Variants in SOAT1 observed in about 807,000 individuals in gnomAD.
The protein encoded by SOAT1 is sterol O-acyltransferase 1.
A neutral mutation model predicts 69.5 loss-of-function variants in SOAT1; 55 were observed. The observed-to-expected ratio is 0.79, with a 90% CI of 0.64 to 0.99. SOAT1 has a LOEUF of 0.99. Ranked by LOEUF, SOAT1 falls within the 50% of genes least tolerant of loss-of-function variation. SOAT1 has a pLI of 0.00. For synonymous variants in SOAT1, 231 were observed against 224.7 expected, an observed-to-expected ratio of 1.03 and a Z score of -0.25; for missense variants, 580 against 669.3, an observed-to-expected ratio of 0.87 and a Z score of 1.47.
At chr1:179,323,891 C>T (rs1355859222) in intron 3 of SOAT1, among the ~76,000 whole-genome samples, 1 of 151,978 alleles carries the variant, frequency 6.6e-6, no homozygotes, top group Non-Finnish European at 1.5e-5. Context: ...GAAATAACAA[C>T]TCGAAAAAAA....
intron 2 of SOAT1, among the ~76,000 whole-genome samples, chr1:179,314,689 G>T (rs1044267246): frequency 2.0e-5 from 3 of 152,074 alleles, no homozygotes; most frequent in African/African-American, 7.2e-5. Flanking sequence ...GCCTCACAAA[G>T]TGCTGGGATG....
chr1:179,341,060 C>G lies in SOAT1; in HGVS notation c.530C>G (p.Ala177Gly). Residue 177 changes from alanine to glycine, a missense_variant, in exon 7 of 16, where the codon GCT becomes GGT. Ala to Gly is a moderately conservative substitution (Grantham distance 60, BLOSUM62 0). Transcript: ENST00000367619. ...LVLEFSLLSY[A>G]FGKFPTVVWT... ...CTTGAGTTCAGCCTCCTGTCTTATG[C>G]TTTTGGCAAATTTCCTACCGTTGTT... 6.2e-7 allele frequency: 1 copy of G among 1,614,106 alleles called. No homozygotes were observed. The highest frequency in any genetic ancestry group is 8.5e-7 in the Non-Finnish European group (1 of 1,179,996).
chr1:179,328,836 G>A (rs1665872158), intron 3 of SOAT1, among the ~76,000 whole-genome samples: 1 of 152,062 alleles, frequency 6.6e-6, no homozygotes, highest in Admixed American at 6.6e-5. Context: ...TTGAGTTCAT[G>A]AATTCGAGAC....
In SOAT1 at chr1:179,353,571, T is replaced by C. The variant is rs199655580; in HGVS notation, c.1597-14T>C. ...CACAAATTATTTTTCCATTCTTATT[T>C]TTCCCCACTGCAGCCCACATTTTTG... On this transcript the variant is annotated splice_polypyrimidine_tract_variant and intron_variant, in intron 15 of 15. Coordinates refer to ENST00000367619, the MANE Select transcript of SOAT1 (RefSeq NM_003101.6). 1.9e-6 allele frequency: 3 copies of C among 1,611,610 alleles called. No individual in the cohort carries two copies. Among genetic ancestry groups the C allele is most frequent in the Admixed American group, 1.7e-5 (1 of 59,976 alleles).
chr1:179,298,686 T>C (rs570876819), intron 1 of SOAT1, among the ~76,000 whole-genome samples: 1 of 152,320 alleles, frequency 6.6e-6, no homozygotes, highest in South Asian at 2.1e-4. Flanking sequence ...TCCAAACACT[T>C]AATATTAGCC....
chr1:179,306,890 A>G (rs958904912), intron 2 of SOAT1, among the ~76,000 whole-genome samples: 1 of 152,094 alleles, frequency 6.6e-6, no homozygotes, highest in Admixed American at 6.5e-5. Context: ...TAGTGTGACA[A>G]GGCAGAGAGG....
chr1:179,325,095 C>T (rs1007487942), intron 3 of SOAT1, among the ~76,000 whole-genome samples: 18 of 148,352 alleles, frequency 1.2e-4, no homozygotes, highest in Non-Finnish European at 2.7e-4. Context: ...ATTACCACAC[C>T]CGGCTGGCAC....
At chr1:179,314,077 T>C (rs12061572) in intron 2 of SOAT1, among the ~76,000 whole-genome samples, 32,047 of 152,158 alleles carry the variant, frequency 0.21, 3,527 homozygotes, top group Non-Finnish European at 0.23. Flanking sequence ...TTCATTCCTT[T>C]GCCTGGAATA....
chr1:179,325,977 G>A (rs796839671), intron 3 of SOAT1, among the ~76,000 whole-genome samples: 3 of 152,132 alleles, frequency 2.0e-5, no homozygotes, highest in Admixed American at 6.5e-5. Flanking sequence ...GGTTTAGCTA[G>A]TATTAATATG....
intron 11 of SOAT1, among the ~76,000 whole-genome samples, chr1:179,347,168 C>T (rs1666559979): frequency 6.6e-6 from 1 of 151,946 alleles, no homozygotes; most frequent in South Asian, 2.1e-4. Flanking sequence ...ACCTGCCTGG[C>T]CAACATGGTG....
In SOAT1 at chr1:179,311,964, T is replaced by C. The variant is rs112308070; in HGVS notation, c.118+9162T>C. On this transcript the variant is annotated intron_variant, in intron 2 of 15. Transcript: ENST00000367619. Reference sequence around the variant, plus strand: ...GTCTTGAAAAAGAGATGGGCTACTCTTTCCTCTGACACAGAAATGTTGGAG... The same window carrying C: ...GTCTTGAAAAAGAGATGGGCTACTCCTTCCTCTGACACAGAAATGTTGGAG... Among the ~76,000 whole-genome samples the C allele has an allele frequency of 7.7e-3, 1,171 of 152,318 alleles. 7 individuals are homozygous for C. The highest frequency in any genetic ancestry group is 0.026 in the African/African-American group (1,093 of 41,560).
intron 1 of SOAT1, among the ~76,000 whole-genome samples, chr1:179,297,328 A>G (rs763072518): frequency 1.2e-4 from 18 of 151,950 alleles, no homozygotes; most frequent in Non-Finnish European, 5.9e-5. Context: ...GAAATATCCC[A>G]TGTCCTGTCC....
intron 2 of SOAT1, among the ~76,000 whole-genome samples, chr1:179,312,536 A>G (rs530887717): frequency 1.6e-4 from 24 of 152,332 alleles, no homozygotes; most frequent in Non-Finnish European, 3.4e-4. Flanking sequence ...TATGCTGGCT[A>G]TCTACCTTTT....
At chr1:179,330,362 A>G (rs1665930408) in intron 3 of SOAT1, among the ~76,000 whole-genome samples, 1 of 152,134 alleles carries the variant, frequency 6.6e-6, no homozygotes, top group Non-Finnish European at 1.5e-5. Flanking sequence ...CAGAAGACCA[A>G]TCTTAGGTTC....
At chr1:179,328,558 A>G (rs1363762713) in intron 3 of SOAT1, among the ~76,000 whole-genome samples, 2 of 152,228 alleles carry the variant, frequency 1.3e-5, no homozygotes, top group Non-Finnish European at 2.9e-5. Flanking sequence ...CCTGGACATT[A>G]CATGCCTGTC....
At chr1:179,305,857 G>C (rs557617112) in intron 2 of SOAT1, among the ~76,000 whole-genome samples, 2 of 149,646 alleles carry the variant, frequency 1.3e-5, no homozygotes, top group Non-Finnish European at 3.0e-5. Flanking sequence ...GGAGCTTGAA[G>C]TTGGTGTGCA....
Position 179,348,954 on chromosome 1 carries a change from G to A in SOAT1, c.1314+12G>A. 1 of 1,339,264 alleles carries A rather than the reference G, an allele frequency of 7.5e-7. No homozygotes were observed. Among genetic ancestry groups the A allele is most frequent in the Non-Finnish European group, 1.1e-6 (1 of 931,252 alleles). The allele number at this position is 1,339,264 out of a possible 1,614,324, so 83.0% of individuals were successfully genotyped here. On this transcript the variant is annotated intron_variant, in intron 13 of 15. Transcript: ENST00000367619. ...AGGACTTTCTCTGGGTAAGTAGCAA[G>A]GTTTAAGTTGATATTATTTATGAAA...
chr1:179,347,109 A>G (rs1666557596), intron 11 of SOAT1, among the ~76,000 whole-genome samples: 1 of 152,110 alleles, frequency 6.6e-6, no homozygotes, highest in East Asian at 1.9e-4. Flanking sequence ...CTGTAATCCT[A>G]GCACTTCGGG....
In SOAT1 at chr1:179,350,360, A is replaced by G. The variant is rs1368549623; in HGVS notation, c.1379A>G (p.His460Arg). ...GTCTTTGCTGTATCTGCTGTAGTACACGAATATGCCTTGGCTGTTTGCTTG... is the reference window on the plus strand; with the variant it reads ...GTCTTTGCTGTATCTGCTGTAGTACGCGAATATGCCTTGGCTGTTTGCTTG... The part of the protein sequence containing the change: ...LAVFAVSAVV[H>R]EYALAVCLSF... The change falls in exon 14 of 16, where the codon CAC becomes CGC. Residue 460 changes from histidine (H) to arginine (R), a missense_variant. His to Arg is a conservative substitution (Grantham distance 29). Coordinates refer to ENST00000367619, the MANE Select transcript of SOAT1 (RefSeq NM_003101.6). 1.2e-6 allele frequency: 2 copies of G among 1,614,046 alleles called. No homozygotes were observed. Among genetic ancestry groups the G allele is most frequent in the Non-Finnish European group, 1.7e-6 (2 of 1,179,968 alleles).
Sources: allele counts gnomAD v4.1 joint callset (sites outside exome capture counted in the v4.1 genomes callset), GRCh38; gene constraint gnomAD v4.1.1; transcripts MANE v1.5; gene names NCBI Gene and HGNC (gene_info 2026-07-23, HGNC 2026-07-21).